Variants in NIPA1 observed in about 807,000 individuals in gnomAD.
NIPA1 encodes the protein NIPA magnesium transporter 1.
NIPA1 carries 13 observed loss-of-function variants against 23.9 expected under a neutral mutation model. The ratio of observed to expected loss-of-function variants is 0.54; its 90% CI spans 0.35 to 0.87. NIPA1 has a LOEUF of 0.87. Among genes scored for constraint, NIPA1 ranks in the 40% least tolerant of loss-of-function variants. The pLI is 0.01. For synonymous variants in NIPA1, 234 were observed against 202.9 expected, an observed-to-expected ratio of 1.15 and a Z score of -1.30; for missense variants, 362 against 429.7, an observed-to-expected ratio of 0.84 and a Z score of 1.39.
intron 3 of NIPA1, 84 bp downstream of exon 3, chr15:22,812,337 A>G (rs1267431714): frequency 5.9e-6 from 6 of 1,024,254 alleles, no homozygotes; most frequent in South Asian, 2.6e-5. Flanking sequence ...TTAAAGTAAT[A>G]AGAGCAAAAT....
intron 1 of NIPA1, among the ~76,000 whole-genome samples, chr15:22,798,960 C>A (rs920103454): frequency 1.3e-5 from 2 of 150,914 alleles, no homozygotes; most frequent in Non-Finnish European, 2.9e-5. Context: ...GATCATTTCT[C>A]ACCCATACAC....
intron 1 of NIPA1, among the ~76,000 whole-genome samples, chr15:22,789,101 G>A (rs888632957): frequency 2.0e-5 from 3 of 150,558 alleles, no homozygotes; most frequent in African/African-American, 4.9e-5. Context: ...CAAGCGATTC[G>A]CCTGCCACAG....
chr15:22,790,486 A>G (rs7182872), intron 1 of NIPA1, among the ~76,000 whole-genome samples: 37,542 of 149,202 alleles, frequency 0.25, 6,010 homozygotes, highest in Non-Finnish European at 0.36. Flanking sequence ...CAATGGTGCA[A>G]TCTCACTGCA....
chr15:22,810,799 A>G lies in NIPA1; in HGVS notation c.226+3A>G, dbSNP rs1383921025. ...GTGGTGGGCTGGCACAATCGCAAGTAAGTAGCCTGTGTGGCGAAGTCTGGT... is the reference window on the plus strand; with the variant it reads ...GTGGTGGGCTGGCACAATCGCAAGTGAGTAGCCTGTGTGGCGAAGTCTGGT... On this transcript the variant is annotated splice_donor_region_variant and intron_variant, in intron 2 of 4. Coordinates refer to ENST00000337435, the MANE Select transcript of NIPA1 (RefSeq NM_144599.5). The G allele has an allele frequency of 1.9e-6, 3 of 1,605,976 alleles. No individual in the cohort carries two copies. The highest frequency in any genetic ancestry group is 2.6e-6 in the Non-Finnish European group (3 of 1,172,586).
At chr15:22,789,887 T>C (rs1894793221) in intron 1 of NIPA1, among the ~76,000 whole-genome samples, 1 of 152,078 alleles carries the variant, frequency 6.6e-6, no homozygotes, top group African/African-American at 2.4e-5. Flanking sequence ...CCCCGCCTCC[T>C]AGGCTCAAGC....
chr15:22,810,003 G>A (rs1169205758), intron 1 of NIPA1, among the ~76,000 whole-genome samples: 1 of 151,916 alleles, frequency 6.6e-6, no homozygotes, highest in Non-Finnish European at 1.5e-5. Context: ...CCGACATCGC[G>A]CCATTGCACT....
chr15:22,813,448 ACT>A (rs746796078), intron 3 of NIPA1, among the ~76,000 whole-genome samples: 1 of 151,964 alleles, frequency 6.6e-6, no homozygotes, highest in Non-Finnish European at 1.5e-5. Context: ...TTGCAGCTGG[ACT>A]CTCTGTTTAC....
In NIPA1 at chr15:22,786,800, A is replaced by G. The variant is rs1894715186; in HGVS notation, c.144A>G (p.Leu48=). 1.6e-6 allele frequency: 2 copies of G among 1,279,786 alleles called. No individual in the cohort carries two copies. The highest frequency in any genetic ancestry group is 1.0e-6 in the Non-Finnish European group (1 of 990,452). 79.3% of individuals were successfully genotyped at this position (1,279,786 alleles called of 1,614,324 possible). ...TGGTGAACGGGTCCACGTTCGTGCT[A>G]CAGAAGAAGGGCATCGTGCGTGCCA... ...SSLVNGSTFV[L]QKKGIVRAKR... is the part of the protein sequence containing the mutation. Residue 48 remains leucine, a synonymous_variant, in exon 1 of 5, where the codon CTA becomes CTG. Coordinates refer to ENST00000337435, the MANE Select transcript of NIPA1 (RefSeq NM_144599.5).
intron 1 of NIPA1, among the ~76,000 whole-genome samples, chr15:22,796,906 T>C (rs1469507761): frequency 6.6e-6 from 1 of 152,220 alleles, no homozygotes; most frequent in East Asian, 1.9e-4. Context: ...TTAGTCATAT[T>C]TTTAAAAAGC....
rs371113125 is a variant in NIPA1, at chr15:22,804,283, C to T, written c.179-6466C>T. Among the ~76,000 whole-genome samples the T allele has an allele frequency of 4.9e-4, 75 of 151,588 alleles. 2 individuals carry two copies. The East Asian group carries it at 7.2e-3, about 15-fold the overall frequency. ...GTGAGCCACCGCACCCAGCTGGGCCCGGCTAATTTTTGTATTTTTAGTAGA... is the reference window on the plus strand; with the variant it reads ...GTGAGCCACCGCACCCAGCTGGGCCTGGCTAATTTTTGTATTTTTAGTAGA... On this transcript the variant is annotated intron_variant, in intron 1 of 4. Coordinates refer to ENST00000337435, the MANE Select transcript of NIPA1 (RefSeq NM_144599.5).
intron 1 of NIPA1, among the ~76,000 whole-genome samples, chr15:22,796,186 T>TA (rs1894935928): frequency 6.6e-6 from 1 of 152,040 alleles, no homozygotes; most frequent in Admixed American, 6.6e-5. Context: ...CCTCCCAAAG[T>TA]GCTGGGATTA....
In NIPA1 at chr15:22,786,750, C is replaced by G. The variant is rs1213278937; in HGVS notation, c.94C>G (p.Leu32Val). The change falls in exon 1 of 5, where the codon CTG becomes GTG. Residue 32 changes from leucine to valine, a missense_variant. This residue lies in a region of NIPA1 where 85 missense variants were observed against 57.7 expected (regional missense o/e 1.47). Coordinates refer to ENST00000337435, the MANE Select transcript of NIPA1 (RefSeq NM_144599.5). Reference sequence around the variant, plus strand: ...GAGCCCCGCCGCCGTGTCGCTCGGCCTGGGCGTGGCCGTCGTGTCGAGCCT... The same window carrying G: ...GAGCCCCGCCGCCGTGTCGCTCGGCGTGGGCGTGGCCGTCGTGTCGAGCCT... Reference protein sequence around the residue: ...SPSPAAVSLGLGVAVVSSLVN... With the variant: ...SPSPAAVSLGVGVAVVSSLVN... The G allele has an allele frequency of 3.8e-6, 5 of 1,306,578 alleles. No individual in the cohort carries two copies. In the East Asian group the frequency reaches 1.8e-4, roughly 46 times the overall value. 80.9% of individuals were successfully genotyped at this position (1,306,578 alleles called of 1,614,324 possible).
intron 1 of NIPA1, among the ~76,000 whole-genome samples, chr15:22,804,270 A>G (rs917778641): frequency 6.6e-6 from 1 of 150,848 alleles, no homozygotes; most frequent in Non-Finnish European, 1.5e-5. Context: ...GAGCCACCGC[A>G]CCCAGCTGGG....
chr15:22,821,086 C>T (rs1268931012), intron 4 of NIPA1, among the ~76,000 whole-genome samples: 2 of 151,756 alleles, frequency 1.3e-5, no homozygotes, highest in African/African-American at 4.8e-5. Flanking sequence ...CCTCAGCCTC[C>T]TGAGTAGCCG....
At chr15:22,812,024 G>T in intron 2 of NIPA1, 139 bp from the exon 3 acceptor site, 1 of 720,026 alleles carries the variant, frequency 1.4e-6, no homozygotes, top group Non-Finnish European at 2.5e-6. Context: ...ATGTGCAGAT[G>T]ACACCCCAGA....
chr15:22,804,750 C>T (rs1895167956), intron 1 of NIPA1, among the ~76,000 whole-genome samples: 1 of 152,162 alleles, frequency 6.6e-6, no homozygotes, highest in East Asian at 1.9e-4. Context: ...TCTGGCTGTA[C>T]ATGTATGGAC....
Position 22,820,436 on chromosome 15 carries a change from A to G in NIPA1, c.441A>G (p.Thr147=), listed in dbSNP as rs11263683. 1,173,338 of 1,611,202 alleles carry G rather than the reference A, an allele frequency of 0.73. 431,836 individuals carry two copies. The highest frequency in any genetic ancestry group is 0.85 in the South Asian group (77,196 of 91,038). Residue 147 remains threonine (T), a synonymous_variant, in exon 4 of 5, where the codon ACA becomes ACG. Coordinates refer to ENST00000337435, the MANE Select transcript of NIPA1 (RefSeq NM_144599.5). ...IIHSPKSESV[T]TQAELEEKLT... The stretch of plus-strand genomic sequence containing the variant: ...ACTCCCCAAAGTCTGAGAGTGTGAC[A>G]ACTCAGGCTGAGCTGGAGGAAAAGC...
Position 22,786,784 on chromosome 15 carries a change from G to T in NIPA1, c.128G>T (p.Gly43Val). The T allele has an allele frequency of 7.6e-7, 1 of 1,319,572 alleles. No individual in the cohort carries two copies. The highest frequency in any genetic ancestry group is 2.1e-4 in the Middle Eastern group (1 of 4,758). The allele number at this position is 1,319,572 out of a possible 1,614,324, so 81.7% of individuals were successfully genotyped here. A position where few individuals can be genotyped will look rare whatever the true frequency, so the allele number is the denominator to read the frequency against. The change falls in exon 1 of 5, where the codon GGG (glycine) becomes GTG (valine). Residue 43 changes from glycine (G) to valine (V), a missense_variant. Physicochemically the swap from Gly to Val is moderately radical, Grantham distance 109. This residue lies in a region of NIPA1 where 277 missense variants were observed against 372.0 expected (regional missense o/e 0.74). Transcript: ENST00000337435. ...GVAVVSSLVN[G>V]STFVLQKKGI... is the part of the protein sequence containing the mutation. ...GCCGTCGTGTCGAGCCTGGTGAACG[G>T]GTCCACGTTCGTGCTACAGAAGAAG...
At chr15:22,815,588 C>T (rs1895399527) in intron 3 of NIPA1, among the ~76,000 whole-genome samples, 1 of 152,002 alleles carries the variant, frequency 6.6e-6, no homozygotes, top group South Asian at 2.1e-4. Flanking sequence ...ACTGCTCCAG[C>T]CTGGGTGACA....
Sources: allele counts gnomAD v4.1 joint callset (sites outside exome capture counted in the v4.1 genomes callset), GRCh38; gene constraint gnomAD v4.1.1; regional missense constraint gnomAD v4.1.1; transcripts MANE v1.5; gene names NCBI Gene and HGNC (gene_info 2026-07-23, HGNC 2026-07-21).